The following LIMCH1 variants were observed in gnomAD, a reference collection of about 807,000 sequenced individuals.
LIMCH1 encodes the protein LIM and calponin homology domains 1.
LIMCH1 carries 113 observed loss-of-function variants against 176.5 expected under a neutral mutation model. The ratio of observed to expected loss-of-function variants is 0.64; its 90% CI spans 0.55 to 0.75. LIMCH1 has a LOEUF of 0.75. Among genes scored for constraint, LIMCH1 ranks in the 30% least tolerant of loss-of-function variants. The pLI, the probability that LIMCH1 is intolerant of heterozygous loss-of-function variation, is 0.00. For missense variants in LIMCH1, 1,674 were observed against 1,814.9 expected (o/e 0.92, Z 1.41); for synonymous variants, 619 against 645.9 (o/e 0.96, Z 0.63).
intron 1 of LIMCH1, among the ~76,000 whole-genome samples, chr4:41,462,666 G>T (rs950193780): frequency 3.3e-5 from 5 of 152,178 alleles, no homozygotes; most frequent in Non-Finnish European, 7.4e-5. Context: ...AAACTGAAAA[G>T]AGCACAAGTT....
At chr4:41,483,597 C>T (rs28488020) in intron 1 of LIMCH1, among the ~76,000 whole-genome samples, 24,552 of 152,100 alleles carry the variant, frequency 0.16, 2,902 homozygotes, top group African/African-American at 0.34. Context: ...TTCCCCATCT[C>T]GACCATGCCT....
At chr4:41,479,548 A>G (rs547773171) in intron 1 of LIMCH1, among the ~76,000 whole-genome samples, 2 of 152,318 alleles carry the variant, frequency 1.3e-5, no homozygotes, top group African/African-American at 4.8e-5. Context: ...CACCGCGCCC[A>G]GCATCACTCT....
intron 12 of LIMCH1, 51 bp downstream of exon 12, chr4:41,633,136 G>A (rs1326647683): frequency 7.7e-7 from 1 of 1,303,622 alleles, no homozygotes; most frequent in Non-Finnish European, 1.1e-6. Context: ...CCTGCTGTGT[G>A]TGGCTGTCGT....
At chr4:41,482,297 A>T (rs2068785143) in intron 1 of LIMCH1, among the ~76,000 whole-genome samples, 1 of 151,996 alleles carries the variant, frequency 6.6e-6, no homozygotes, top group African/African-American at 2.4e-5. Flanking sequence ...GAGCCATAGG[A>T]TTGGATGCGA....
At chr4:41,504,390 A>G (rs920728172) in intron 2 of LIMCH1, among the ~76,000 whole-genome samples, 5 of 152,224 alleles carry the variant, frequency 3.3e-5, no homozygotes, top group Non-Finnish European at 7.3e-5. Flanking sequence ...AGGTTTTGAA[A>G]TTGATGAGCT....
chr4:41,442,374 G>T (rs986019071), intron 1 of LIMCH1, among the ~76,000 whole-genome samples: 126 of 152,238 alleles, frequency 8.3e-4, no homozygotes, highest in Middle Eastern at 3.4e-3. Context: ...CATCAAAGAT[G>T]CATTTTACGA....
At chr4:41,686,559 G>A (rs972980538) in intron 28 of LIMCH1, among the ~76,000 whole-genome samples, 3 of 152,178 alleles carry the variant, frequency 2.0e-5, no homozygotes, top group African/African-American at 7.2e-5. Flanking sequence ...TCATAGTACT[G>A]TAACCAATCA....
At chr4:41,672,537 A>G (rs1451650088) in intron 22 of LIMCH1, among the ~76,000 whole-genome samples, 1 of 152,158 alleles carries the variant, frequency 6.6e-6, no homozygotes, top group Non-Finnish European at 1.5e-5. Flanking sequence ...AAGAGACCCA[A>G]ACTCTCATTT....
At chr4:41,431,991 T>G (rs1055373565) in intron 1 of LIMCH1, among the ~76,000 whole-genome samples, 44 of 152,224 alleles carry the variant, frequency 2.9e-4, no homozygotes, top group African/African-American at 1.0e-3. Context: ...TTCTCTCCAC[T>G]CTGTAAGGCA....
At chr4:41,659,899 C>T (rs2094563951) in intron 18 of LIMCH1, among the ~76,000 whole-genome samples, 1 of 151,882 alleles carries the variant, frequency 6.6e-6, no homozygotes, top group African/African-American at 2.4e-5. Flanking sequence ...AATTGGCTCC[C>T]AGTGAAAGAC....
chr4:41,426,398 T>G (rs1411983803), intron 1 of LIMCH1, among the ~76,000 whole-genome samples: 1 of 152,244 alleles, frequency 6.6e-6, no homozygotes, highest in Non-Finnish European at 1.5e-5. Context: ...TTTTTCTACA[T>G]CTTTCTTTAT....
intron 1 of LIMCH1, among the ~76,000 whole-genome samples, chr4:41,384,453 C>A (rs2056200488): frequency 2.0e-5 from 3 of 152,058 alleles, no homozygotes; most frequent in African/African-American, 7.2e-5. Context: ...GGTGATCCAC[C>A]CGCCTCGGCC....
In LIMCH1 at chr4:41,634,196, A is replaced by C. The variant is rs115474565; in HGVS notation, c.2090+388A>C. On this transcript the variant is annotated intron_variant, in intron 13 of 31. Transcript: ENST00000503057. ...GTTGTAATTATATTAATTTTTCAAC[A>C]TTAGCAAACACTCGTTGCCTTCTGC... 6.4e-3 allele frequency among the ~76,000 whole-genome samples: 977 copies of C among 152,374 alleles called. 10 individuals carry two copies. Among genetic ancestry groups the C allele is most frequent in the African/African-American group, 0.022 (931 of 41,588 alleles).
chr4:41,441,904 G>A (rs1183222096), intron 1 of LIMCH1, among the ~76,000 whole-genome samples: 1 of 152,150 alleles, frequency 6.6e-6, no homozygotes, highest in Non-Finnish European at 1.5e-5. Context: ...ATCTGCTAAG[G>A]AAATAGAGAG....
intron 1 of LIMCH1, among the ~76,000 whole-genome samples, chr4:41,548,515 A>G (rs573339926): frequency 5.3e-5 from 8 of 152,280 alleles, no homozygotes; most frequent in African/African-American, 1.9e-4. Context: ...TGTTTGATTA[A>G]TGACACCATC....
rs753513746 is a variant in LIMCH1 at position 41,662,959 on chromosome 4, A to G, written c.3266A>G (p.Lys1089Arg). Residue 1089 changes from lysine to arginine, a missense_variant, in exon 20 of 32, where the codon AAG becomes AGG. By Grantham distance (26) the Lys-to-Arg change is conservative. Coordinates refer to ENST00000503057, the MANE Select transcript of LIMCH1 (RefSeq NM_001330672.2). ...QKKPENEMSG[K>R]VELVLSQKVV... ...AAACCAGAAAATGAAATGAGTGGAA[A>G]GGTGGAGTTGGTGCTGTCACAAAAG... is the stretch of plus-strand genomic sequence containing the variant. 1 of 1,613,888 alleles carries G rather than the reference A, an allele frequency of 6.2e-7. No individual in the cohort carries two copies. The highest frequency in any genetic ancestry group is 1.7e-5 in the Admixed American group (1 of 59,966).
At chr4:41,571,253 G>A (rs1181177004) in intron 1 of LIMCH1, among the ~76,000 whole-genome samples, 1 of 152,038 alleles carries the variant, frequency 6.6e-6, no homozygotes, top group African/African-American at 2.4e-5. Flanking sequence ...AGAAAAAGAT[G>A]AAGACAGAGA....
chr4:41,617,380 C>T (rs1003378261), intron 5 of LIMCH1, among the ~76,000 whole-genome samples: 1 of 152,144 alleles, frequency 6.6e-6, no homozygotes, highest in Non-Finnish European at 1.5e-5. Flanking sequence ...GGGGTTCCTA[C>T]AGTGTCTCTG....
intron 1 of LIMCH1, among the ~76,000 whole-genome samples, chr4:41,564,159 G>T (rs569466072): frequency 6.6e-6 from 1 of 152,194 alleles, no homozygotes; most frequent in African/African-American, 2.4e-5. Flanking sequence ...CATAACAAGT[G>T]TAAGAAGTAT....
Sources: gnomAD v4.1 joint callset for allele counts (sites outside exome capture counted in the v4.1 genomes callset) on GRCh38, gnomAD v4.1.1 for gene constraint, MANE v1.5 for transcripts, NCBI Gene and HGNC (gene_info 2026-07-23, HGNC 2026-07-21) for gene names.